TJP2: variants seen among roughly 807,000 people sequenced by gnomAD.
The protein encoded by TJP2 is tight junction protein 2.
A neutral mutation model predicts 133.1 loss-of-function variants in TJP2; 91 were observed. The ratio of observed to expected loss-of-function variants is 0.68; its 90% CI spans 0.58 to 0.81. The LOEUF (loss-of-function observed/expected upper bound fraction) is 0.81, where lower values mean the gene tolerates loss of function less well. Among genes scored for constraint, TJP2 ranks in the 40% least tolerant of loss-of-function variants. TJP2 has a pLI of 0.00. For synonymous variants in TJP2, 592 were observed against 583.4 expected (o/e 1.01, Z -0.21); for missense variants, 1,541 against 1,565.6 (o/e 0.98, Z 0.26).
At chr9:69,223,006 G>T (rs547673425) in intron 5 of TJP2, among the ~76,000 whole-genome samples, 22 of 137,038 alleles carry the variant, frequency 1.6e-4, no homozygotes, top group Admixed American at 1.2e-3. Flanking sequence ...AGGGGCAGAG[G>T]TTGCAGTAGC....
At position 69,236,203 on chromosome 9, in the gene TJP2, C is replaced by T. The variant is rs1385965514; in HGVS notation, c.1956C>T (p.Asn652=). ...ACTGGCTGGCTGTGAGGATTGGGAACGAGTTGGAGAAAGGCTTAATCCCCA... is the reference window on the plus strand; with the variant it reads ...ACTGGCTGGCTGTGAGGATTGGGAATGAGTTGGAGAAAGGCTTAATCCCCA... ...LGNWLAVRIG[N]ELEKGLIPNK... The change falls in exon 13 of 23, where the codon AAC becomes AAT. Residue 652 remains asparagine, a synonymous_variant. Transcript: ENST00000377245. 5 of 1,613,996 alleles carry T rather than the reference C, an allele frequency of 3.1e-6. No individual in the cohort carries two copies. The highest frequency in any genetic ancestry group is 4.2e-6 in the Non-Finnish European group (5 of 1,179,944).
At position 69,225,417 on chromosome 9, in the gene TJP2, T is replaced by C; in HGVS notation, c.1056+10T>C. ...AGACATAATTCTCAAGGTGGGTAGA[T>C]GGGGGCAGAGAACGGTAGTGTGCAT... is the stretch of plus-strand genomic sequence containing the variant. On this transcript the variant is annotated intron_variant, in intron 6 of 22. Transcript: ENST00000377245. The C allele has an allele frequency of 6.3e-7, 1 of 1,589,228 alleles. No homozygotes were observed. The highest frequency in any genetic ancestry group is 8.6e-7 in the Non-Finnish European group (1 of 1,157,852).
At chr9:69,121,458 T>C (rs1172819866), upstream of TJP2, 3 of 586,446 alleles carry the variant, frequency 5.1e-6, no homozygotes, top group African/African-American at 4.1e-5. Flanking sequence ...GGATTTTTTT[T>C]CCCCTTCTCT....
chr9:69,157,066 C>G lies in TJP2; in HGVS notation c.-10+5295C>G, dbSNP rs1022685135. ...GGTATGATGGGGCATGTCCAACCCCCACTTCCCTTCATGGCCTGAACCAGT... is the reference window on the plus strand; with the variant it reads ...GGTATGATGGGGCATGTCCAACCCCGACTTCCCTTCATGGCCTGAACCAGT... On this transcript the variant is annotated intron_variant, in intron 2 of 5. Coordinates refer to the TJP2 transcript ENST00000423935. 5.9e-5 allele frequency among the ~76,000 whole-genome samples: 9 copies of G among 152,194 alleles called. No individual in the cohort carries two copies. The East Asian group carries it at 7.7e-4, about 13-fold the overall frequency.
intron 1 of TJP2, among the ~76,000 whole-genome samples, chr9:69,211,428 C>G (rs1179112511): frequency 1.3e-5 from 2 of 152,166 alleles, no homozygotes; most frequent in African/African-American, 4.8e-5. Context: ...TATTTAAAGT[C>G]TTTGATTCTT....
chr9:69,193,340 T>TG (rs1826333714), intron 1 of TJP2, among the ~76,000 whole-genome samples: 1 of 152,064 alleles, frequency 6.6e-6, no homozygotes, highest in African/African-American at 2.4e-5. Context: ...TAGTGGATAA[T>TG]ACATCTGTTA....
In TJP2 at chr9:69,228,074, A is replaced by G. The variant is rs1829485488; in HGVS notation, c.1413A>G (p.Pro471=). 6.2e-7 allele frequency: 1 copy of G among 1,613,542 alleles called. No individual in the cohort carries two copies. Among genetic ancestry groups the G allele is most frequent in the African/African-American group, 1.3e-5 (1 of 75,034 alleles). The change falls in exon 9 of 23, where the codon CCA becomes CCG. Residue 471 remains proline, a synonymous_variant. Coordinates refer to ENST00000377245, the MANE Select transcript of TJP2 (RefSeq NM_004817.4). ...STGDIAGTVV[P]ETNKEPRYQE... is the part of the protein sequence containing the mutation. ...GGGATATTGCAGGCACAGTTGTCCC[A>G]GAGACCAACAAGGAACCCAGATACC...
At chr9:69,164,524 G>A (rs916888223) in intron 2 of TJP2, among the ~76,000 whole-genome samples, 5 of 152,056 alleles carry the variant, frequency 3.3e-5, no homozygotes, top group African/African-American at 9.7e-5. Context: ...ACAATAGAAC[G>A]GCATTTGAAT....
chr9:69,243,234 G>GTTA (rs1468841112), intron 17 of TJP2, among the ~76,000 whole-genome samples: 2 of 152,178 alleles, frequency 1.3e-5, no homozygotes, highest in Non-Finnish European at 2.9e-5. Context: ...GAATAATAGA[G>GTTA]TGCTTTGATG....
Position 69,240,002 on chromosome 9 carries a change from C to A in TJP2, c.2421C>A (p.Phe807Leu). The change falls in exon 17 of 23, where the codon TTC (phenylalanine) becomes TTA (leucine). Residue 807 changes from phenylalanine (F) to leucine (L), a missense_variant. Phe to Leu is a conservative substitution (Grantham distance 22, BLOSUM62 0). Coordinates refer to ENST00000377245, the MANE Select transcript of TJP2 (RefSeq NM_004817.4). ...ACCTGTTGAATTACACCCAGTGGTTCCCAATTGTGATTTTTTTCAACCCAG... is the reference window on the plus strand; with the variant it reads ...ACCTGTTGAATTACACCCAGTGGTTACCAATTGTGATTTTTTTCAACCCAG... ...AVDLLNYTQW[F>L]PIVIFFNPDS... is the part of the protein sequence containing the mutation. 6.2e-7 allele frequency: 1 copy of A among 1,614,108 alleles called. No homozygotes were observed.
chr9:69,201,199 T>C (rs1250789931), intron 1 of TJP2, among the ~76,000 whole-genome samples: 1 of 152,186 alleles, frequency 6.6e-6, no homozygotes, highest in East Asian at 1.9e-4. Flanking sequence ...TCTGTAAGTA[T>C]GGAAGCTAGG....
intron 1 of TJP2, among the ~76,000 whole-genome samples, chr9:69,184,880 G>A (rs529942799): frequency 1.4e-5 from 2 of 147,430 alleles, no homozygotes; most frequent in Admixed American, 6.8e-5. Flanking sequence ...CCTCCGATTA[G>A]CTGTAACCAC....
At chr9:69,242,977 C>T (rs73452916) in intron 17 of TJP2, among the ~76,000 whole-genome samples, 3,973 of 152,262 alleles carry the variant, frequency 0.026, 147 homozygotes, top group African/African-American at 0.084. Flanking sequence ...CACCTTCCCT[C>T]CTCAGCCTCC....
At chr9:69,193,212 G>A (rs1263542147) in intron 1 of TJP2, among the ~76,000 whole-genome samples, 3 of 151,922 alleles carry the variant, frequency 2.0e-5, no homozygotes, top group Non-Finnish European at 4.4e-5. Flanking sequence ...CACCGTGCCT[G>A]GCTTTTATTG....
At chr9:69,205,541 T>G (rs948971715) in intron 1 of TJP2, among the ~76,000 whole-genome samples, 1 of 152,242 alleles carries the variant, frequency 6.6e-6, no homozygotes, top group Non-Finnish European at 1.5e-5. Context: ...CTTAACATAC[T>G]GGCTTTTGTG....
chr9:69,242,038 T>C (rs573404993), intron 17 of TJP2, among the ~76,000 whole-genome samples: 1 of 152,160 alleles, frequency 6.6e-6, no homozygotes, highest in African/African-American at 2.4e-5. Flanking sequence ...AGAGTTAAAT[T>C]TGGGATTCAC....
chr9:69,153,233 A>G (rs916529868), intron 2 of TJP2, among the ~76,000 whole-genome samples: 1 of 151,808 alleles, frequency 6.6e-6, no homozygotes, highest in African/African-American at 2.4e-5. Flanking sequence ...ACTCTATCTC[A>G]GCAACAAAAA....
intron 3 of TJP2, among the ~76,000 whole-genome samples, chr9:69,217,193 G>A (rs1328605792): frequency 6.6e-6 from 1 of 152,054 alleles, no homozygotes; most frequent in Non-Finnish European, 1.5e-5. Context: ...TTTTCGCCAT[G>A]TTGGCTAGGC....
intron 2 of TJP2, 137 bp from the exon 3 acceptor site, chr9:69,216,202 C>A: frequency 1.9e-6 from 2 of 1,049,028 alleles, no homozygotes; most frequent in Admixed American, 2.1e-5. Flanking sequence ...TTTTGTTTCT[C>A]ATTTGTTTCT....
Sources: allele counts gnomAD v4.1 joint callset (sites outside exome capture counted in the v4.1 genomes callset), GRCh38; gene constraint gnomAD v4.1.1; transcripts MANE v1.5; gene names NCBI Gene and HGNC (gene_info 2026-07-23, HGNC 2026-07-21).